MLIP: variants seen among roughly 807,000 people sequenced by gnomAD.
MLIP encodes muscular LMNA interacting protein.
A neutral mutation model predicts 84.8 loss-of-function variants in MLIP; 79 were observed. That is an observed-to-expected ratio of 0.93 (90% CI 0.78 to 1.12). The LOEUF is 1.12. Among genes scored for constraint, MLIP ranks in the 50% most tolerant of loss-of-function variants. The probability of loss-of-function intolerance (pLI) is 0.00; values close to 1 mark genes in which losing one functional copy is unlikely to be tolerated. For missense variants in MLIP, 1,257 were observed against 1,160.6 expected, an observed-to-expected ratio of 1.08 and a Z score of -1.21; for synonymous variants, 504 against 463.0, an observed-to-expected ratio of 1.09 and a Z score of -1.14.
intron 13 of MLIP, among the ~76,000 whole-genome samples, chr6:54,259,048 G>A (rs1195433305): frequency 1.3e-5 from 2 of 151,452 alleles, no homozygotes; most frequent in African/African-American, 2.4e-5. Flanking sequence ...AAATTAAAAG[G>A]GAAAGTTACT....
chr6:54,265,340 G>A (rs541799343), intron 13 of MLIP, among the ~76,000 whole-genome samples: 1 of 152,196 alleles, frequency 6.6e-6, no homozygotes, highest in East Asian at 1.9e-4. Flanking sequence ...GTTCCAGACA[G>A]TTCAACCCTA....
At chr6:54,249,970 C>T (rs1479247907) in intron 12 of MLIP, among the ~76,000 whole-genome samples, 3 of 151,958 alleles carry the variant, frequency 2.0e-5, no homozygotes, top group Non-Finnish European at 4.4e-5. Flanking sequence ...CTCTGACAGG[C>T]CCCAGTGTCT....
At chr6:54,255,662 A>G (rs1010475369) in intron 12 of MLIP, among the ~76,000 whole-genome samples, 1 of 152,184 alleles carries the variant, frequency 6.6e-6, no homozygotes, top group Non-Finnish European at 1.5e-5. Flanking sequence ...TTAAAATAAA[A>G]TGGATTAAAA....
At chr6:54,075,490 A>G (rs1766747696) in intron 1 of MLIP, among the ~76,000 whole-genome samples, 1 of 152,194 alleles carries the variant, frequency 6.6e-6, no homozygotes, top group African/African-American at 2.4e-5. Context: ...ATAGGTTGCT[A>G]ATATATGAGT....
intron 12 of MLIP, among the ~76,000 whole-genome samples, chr6:54,231,217 A>G (rs1780978597): frequency 6.6e-6 from 1 of 152,136 alleles, no homozygotes; most frequent in Non-Finnish European, 1.5e-5. Context: ...TCAAAACCTC[A>G]CAAAATGCCA....
chr6:54,151,020 A>T (rs1773385092), intron 5 of MLIP, among the ~76,000 whole-genome samples: 1 of 152,202 alleles, frequency 6.6e-6, no homozygotes, highest in Admixed American at 6.5e-5. Flanking sequence ...AAATATAAAC[A>T]TGATATCTAA....
intron 11 of MLIP, among the ~76,000 whole-genome samples, chr6:54,230,151 C>A (rs994574841): frequency 4.6e-5 from 7 of 152,168 alleles, no homozygotes; most frequent in Non-Finnish European, 1.0e-4. Context: ...GAATTGAAGA[C>A]CTTATTCATT....
At chr6:54,111,681 A>T in intron 1 of MLIP, 106 bp downstream of exon 1, 1 of 1,146,994 alleles carries the variant, frequency 8.7e-7, no homozygotes, top group East Asian at 2.6e-5. Context: ...CAGTGAAGAT[A>T]AATTTGTATG....
chr6:54,049,636 T>C (rs943189466), intron 1 of MLIP, among the ~76,000 whole-genome samples: 1 of 152,154 alleles, frequency 6.6e-6, no homozygotes, highest in African/African-American at 2.4e-5. Context: ...TTTCTTACCC[T>C]ACAAGATGGG....
At chr6:54,125,935 T>G (rs1341961220) in intron 3 of MLIP, among the ~76,000 whole-genome samples, 1 of 151,812 alleles carries the variant, frequency 6.6e-6, no homozygotes, top group Non-Finnish European at 1.5e-5. Context: ...ATGCTGCATT[T>G]TTATTATCTT....
At chr6:54,234,437 T>C (rs901976094) in intron 12 of MLIP, among the ~76,000 whole-genome samples, 4 of 152,170 alleles carry the variant, frequency 2.6e-5, no homozygotes, top group African/African-American at 9.7e-5. Context: ...CTCTCCAAAA[T>C]CGTCCATTCT....
At chr6:54,239,109 G>C (rs1781552251) in intron 12 of MLIP, among the ~76,000 whole-genome samples, 1 of 151,740 alleles carries the variant, frequency 6.6e-6, no homozygotes. Context: ...TTTATATCTG[G>C]AGTAGTCTCT....
chr6:54,175,841 T>A (rs1047682422), intron 9 of MLIP, among the ~76,000 whole-genome samples: 2 of 152,032 alleles, frequency 1.3e-5, no homozygotes, highest in South Asian at 4.1e-4. Context: ...CAGGTTTTCC[T>A]CATTCTGTAT....
chr6:54,058,594 G>T (rs1445244582), intron 1 of MLIP, among the ~76,000 whole-genome samples: 1 of 152,158 alleles, frequency 6.6e-6, no homozygotes, highest in Non-Finnish European at 1.5e-5. Context: ...TAAAAGGGAG[G>T]TAAACACAGA....
At chr6:54,112,463 A>G (rs1769547474) in intron 1 of MLIP, among the ~76,000 whole-genome samples, 1 of 152,232 alleles carries the variant, frequency 6.6e-6, no homozygotes. Context: ...AAGAGCTAAT[A>G]TTGTACTGTT....
chr6:54,243,721 A>G (rs1274143031), intron 12 of MLIP, among the ~76,000 whole-genome samples: 1 of 152,164 alleles, frequency 6.6e-6, no homozygotes, highest in Non-Finnish European at 1.5e-5. Flanking sequence ...GTCTATCAAT[A>G]AAGTGGCATT....
chr6:54,114,053 G>T lies in MLIP; in HGVS notation c.96+2478G>T, dbSNP rs1769699671. Among the ~76,000 whole-genome samples the T allele has an allele frequency of 3.3e-5, 5 of 152,086 alleles. No homozygotes were observed. The South Asian group carries it at 1.0e-3, about 32-fold the overall frequency. The stretch of plus-strand genomic sequence containing the variant: ...GTAGACTGTGAGAAATTTTGTTTCT[G>T]GTCAGCCCTCTTTCTGACTACTGTC... On this transcript the variant is annotated intron_variant, in intron 1 of 13. Transcript: ENST00000502396.
chr6:54,076,014 TA>T (rs1330964572), intron 1 of MLIP, among the ~76,000 whole-genome samples: 1 of 151,970 alleles, frequency 6.6e-6, no homozygotes, highest in Non-Finnish European at 1.5e-5. Flanking sequence ...ATGAAGGAGT[TA>T]AATTGGATTA....
chr6:54,109,716 T>C (rs531469937), upstream of MLIP, among the ~76,000 whole-genome samples: 2 of 152,052 alleles, frequency 1.3e-5, no homozygotes, highest in Non-Finnish European at 2.9e-5. Flanking sequence ...CTACTCAAAG[T>C]GTAACACACC....
Sources: allele counts gnomAD v4.1 joint callset (sites outside exome capture counted in the v4.1 genomes callset), GRCh38; gene constraint gnomAD v4.1.1; transcripts MANE v1.5; gene names NCBI Gene and HGNC (gene_info 2026-07-23, HGNC 2026-07-21).